ST6GALNAC5: variants seen among roughly 807,000 people sequenced by gnomAD.
The protein encoded by ST6GALNAC5 is alpha-N-acetylgalactosaminide alpha-2,6-sialyltransferase 5.
In ST6GALNAC5, 27 loss-of-function variants were observed where a neutral mutation model predicts 33.6. That is an observed-to-expected ratio of 0.80 (90% CI 0.59 to 1.11). ST6GALNAC5 has a LOEUF of 1.11. Ranked by LOEUF, ST6GALNAC5 falls within the 50% of genes least tolerant of loss-of-function variation. The pLI is 0.00. For missense variants in ST6GALNAC5, 428 were observed against 454.0 expected (o/e 0.94, Z 0.52); for synonymous variants, 194 against 171.2 (o/e 1.13, Z -1.04).
intron 2 of ST6GALNAC5, among the ~76,000 whole-genome samples, chr1:77,035,206 G>A (rs907125435): frequency 3.3e-5 from 5 of 152,090 alleles, no homozygotes; most frequent in African/African-American, 1.2e-4. Flanking sequence ...AGAATTGCTG[G>A]CCTAGATCAT....
At chr1:76,920,243 C>T (rs551161179) in intron 2 of ST6GALNAC5, among the ~76,000 whole-genome samples, 5 of 152,158 alleles carry the variant, frequency 3.3e-5, no homozygotes, top group South Asian at 2.1e-4. Flanking sequence ...TTTTTAATCT[C>T]GCCTTCTACA....
intron 4 of ST6GALNAC5, among the ~76,000 whole-genome samples, chr1:77,062,399 A>AGGCAAGT (rs1202603913): frequency 6.6e-6 from 1 of 152,188 alleles, no homozygotes; most frequent in East Asian, 1.9e-4. Context: ...AGGGTATTCC[A>AGGCAAGT]GGCAAGTGAC....
rs115023029 is a variant in ST6GALNAC5 at position 76,921,889 on chromosome 1, C to T, written c.261+53147C>T. 6.4e-3 allele frequency among the ~76,000 whole-genome samples: 973 copies of T among 152,246 alleles called. 9 individuals are homozygous for T. The highest frequency in any genetic ancestry group is 0.022 in the African/African-American group (929 of 41,546). On this transcript the variant is annotated intron_variant, in intron 2 of 4. Coordinates refer to ENST00000477717, the MANE Select transcript of ST6GALNAC5 (RefSeq NM_030965.3). Reference sequence around the variant, plus strand: ...GATACAGAACATCTACACAGAAACCCTTACAGCATATATCATACCTAACAG... The same window carrying T: ...GATACAGAACATCTACACAGAAACCTTTACAGCATATATCATACCTAACAG...
intron 4 of ST6GALNAC5, among the ~76,000 whole-genome samples, chr1:77,061,475 C>A (rs1434710584): frequency 6.6e-6 from 1 of 152,170 alleles, no homozygotes; most frequent in Non-Finnish European, 1.5e-5. Flanking sequence ...CTTTGGGAAA[C>A]CAAGTTATTA....
intron 2 of ST6GALNAC5, among the ~76,000 whole-genome samples, chr1:77,031,311 G>C (rs1651444246): frequency 6.6e-6 from 1 of 152,168 alleles, no homozygotes; most frequent in Non-Finnish European, 1.5e-5. Flanking sequence ...TTATGATTTT[G>C]TTTACTCATG....
intron 2 of ST6GALNAC5, among the ~76,000 whole-genome samples, chr1:77,011,320 G>A (rs948025564): frequency 3.3e-5 from 5 of 152,238 alleles, no homozygotes; most frequent in African/African-American, 1.2e-4. Flanking sequence ...ATTCAAACTG[G>A]AGTGGAGAAT....
At chr1:77,031,098 AT>A (rs1244907696) in intron 2 of ST6GALNAC5, among the ~76,000 whole-genome samples, 1 of 152,210 alleles carries the variant, frequency 6.6e-6, no homozygotes, top group African/African-American at 2.4e-5. Context: ...AGGATGCATC[AT>A]GTTTAGCAAG....
At chr1:77,028,165 A>C (rs542735787) in intron 2 of ST6GALNAC5, among the ~76,000 whole-genome samples, 1 of 152,328 alleles carries the variant, frequency 6.6e-6, no homozygotes, top group African/African-American at 2.4e-5. Flanking sequence ...TGGCCTCTTA[A>C]GACAAGCCCT....
chr1:77,060,067 T>C (rs2100481677), intron 4 of ST6GALNAC5: 1 of 152,242 alleles, frequency 6.6e-6, no homozygotes, highest in East Asian at 1.9e-4. Context: ...CCGCACTAAA[T>C]GTTAGTTCCC....
chr1:77,041,382 G>A (rs1163957168), intron 2 of ST6GALNAC5, among the ~76,000 whole-genome samples: 2 of 152,202 alleles, frequency 1.3e-5, no homozygotes, highest in African/African-American at 2.4e-5. Context: ...TATTAAGGTT[G>A]GCGCAAAAGT....
chr1:77,019,193 T>C (rs191165587), intron 2 of ST6GALNAC5, among the ~76,000 whole-genome samples: 1 of 152,322 alleles, frequency 6.6e-6, no homozygotes, highest in African/African-American at 2.4e-5. Context: ...AGGGATTAAA[T>C]ACTTACCACT....
In ST6GALNAC5 at chr1:76,881,946, C is replaced by CA. The variant is rs149112814; in HGVS notation, c.261+13208dup. Among the ~76,000 whole-genome samples, 815 of 152,254 alleles carry CA rather than the reference C, an allele frequency of 5.4e-3. 9 individuals are homozygous for CA. The highest frequency in any genetic ancestry group is 0.019 in the African/African-American group (773 of 41,560). On this transcript the variant is annotated intron_variant, in intron 2 of 4. Transcript: ENST00000477717. ...CCATGGGTTAGTGGCAGAGCTGGGGCAAAATGTCAGTCTCTGATGTGAACA... is the reference window on the plus strand; with the variant it reads ...CCATGGGTTAGTGGCAGAGCTGGGGCAAAAATGTCAGTCTCTGATGTGAACA...
intron 2 of ST6GALNAC5, among the ~76,000 whole-genome samples, chr1:76,908,788 C>G (rs184142205): frequency 1.9e-3 from 288 of 152,186 alleles, no homozygotes; most frequent in Middle Eastern, 3.4e-3. Context: ...CAAAGCCTGC[C>G]GCATTACCTG....
chr1:76,984,834 A>T (rs543407709), intron 2 of ST6GALNAC5, among the ~76,000 whole-genome samples: 1 of 152,250 alleles, frequency 6.6e-6, no homozygotes, highest in Non-Finnish European at 1.5e-5. Context: ...AGTCAGCTTC[A>T]TCCCTAGCAT....
intron 2 of ST6GALNAC5, among the ~76,000 whole-genome samples, chr1:77,000,813 G>A (rs1028491920): frequency 5.9e-5 from 9 of 152,052 alleles, no homozygotes; most frequent in South Asian, 2.1e-4. Flanking sequence ...GATATGCGGC[G>A]TTATTTCTGA....
chr1:76,883,142 A>G (rs1653821186), intron 2 of ST6GALNAC5, among the ~76,000 whole-genome samples: 1 of 152,228 alleles, frequency 6.6e-6, no homozygotes, highest in Non-Finnish European at 1.5e-5. Flanking sequence ...AGGAAACAAG[A>G]TAAAGGACCT....
At chr1:76,913,831 A>C (rs542047870) in intron 2 of ST6GALNAC5, among the ~76,000 whole-genome samples, 1 of 152,286 alleles carries the variant, frequency 6.6e-6, no homozygotes, top group South Asian at 2.1e-4. Context: ...TAGTGTTGGA[A>C]GTTCTGGCCA....
chr1:76,887,999 T>C (rs1653934074), intron 2 of ST6GALNAC5, among the ~76,000 whole-genome samples: 1 of 152,204 alleles, frequency 6.6e-6, no homozygotes, highest in Non-Finnish European at 1.5e-5. Flanking sequence ...TGCAAATCTT[T>C]ACGGCATTTG....
intron 2 of ST6GALNAC5, among the ~76,000 whole-genome samples, chr1:76,919,580 A>G (rs1647010682): frequency 6.6e-6 from 1 of 152,164 alleles, no homozygotes; most frequent in African/African-American, 2.4e-5. Flanking sequence ...CATATATCCG[A>G]TAGTCTCATC....
Sources: gnomAD v4.1 joint callset for allele counts (sites outside exome capture counted in the v4.1 genomes callset) on GRCh38, gnomAD v4.1.1 for gene constraint, MANE v1.5 for transcripts, NCBI Gene and HGNC (gene_info 2026-07-23, HGNC 2026-07-21) for gene names.